Variants in TMEM130 observed in about 807,000 individuals in gnomAD.
TMEM130 encodes the protein transmembrane protein 130.
TMEM130 carries 37 observed loss-of-function variants against 42.9 expected under a neutral mutation model. That is an observed-to-expected ratio of 0.86 (90% confidence interval 0.66 to 1.13). The LOEUF (loss-of-function observed/expected upper bound fraction) is 1.13. Among genes scored for constraint, TMEM130 ranks in the 50% most tolerant of loss-of-function variants. The pLI, the probability that TMEM130 is intolerant of heterozygous loss-of-function variation, is 0.00. For synonymous variants in TMEM130, 259 were observed against 237.7 expected (o/e 1.09, Z -0.82); for missense variants, 545 against 562.6 (o/e 0.97, Z 0.32).
At position 98,848,103 on chromosome 7, in the gene TMEM130, C is replaced by A. The variant is rs573265805; in HGVS notation, c.1225G>T (p.Gly409Trp). 10 of 1,614,058 alleles carry A rather than the reference C, an allele frequency of 6.2e-6. No individual in the cohort carries two copies. Among genetic ancestry groups the A allele is most frequent in the Non-Finnish European group, 7.6e-6 (9 of 1,180,008 alleles). The change falls in exon 8 of 8, where the codon GGG (glycine) becomes TGG (tryptophan). Residue 409 changes from glycine to tryptophan, a missense_variant. Physicochemically the swap from Gly to Trp is radical, Grantham distance 184. Transcript: ENST00000339375. ...GACTTATAGAGGGGCGGGAGCAGCC[C>A]GTGGTTCTCACGAACAATTTCCAGG... Reference protein sequence around the residue: ...EYLEIVRENHGLLPPLYKSVK... With the variant: ...EYLEIVRENHWLLPPLYKSVK...
intron 2 of TMEM130, among the ~76,000 whole-genome samples, chr7:98,862,254 TAGAGACAGAGATAA>T (rs1562910837): frequency 1.3e-5 from 2 of 149,380 alleles, no homozygotes; most frequent in Non-Finnish European, 3.0e-5. Context: ...CAAAGAGACA[TAGAGACAGAGATAA>T]AGAGACAGAG....
chr7:98,851,328 G>T, intron 6 of TMEM130, 93 bp downstream of exon 6: 2 of 1,325,816 alleles, frequency 1.5e-6, no homozygotes, highest in Non-Finnish European at 2.2e-6. Context: ...CCTTGGTAAG[G>T]CTGGCTGGTA....
In TMEM130 at chr7:98,851,443, G is replaced by A. The variant is rs782573173; in HGVS notation, c.984C>T (p.His328=). 6.2e-7 allele frequency: 1 copy of A among 1,614,108 alleles called. No individual in the cohort carries two copies. The highest frequency in any genetic ancestry group is 1.3e-5 in the African/African-American group (1 of 75,016). The part of the protein sequence containing the change: ...ENIISKTHQY[H]KIQVWPSRIQ... ...TACTGGAGGGCCACACCTGGATCTT[G>A]TGGTACTGATGTGTCTTGCTGATGA... The change falls in exon 6 of 8, where the codon CAC becomes CAT. Residue 328 remains histidine (H), a synonymous_variant. Coordinates refer to ENST00000339375, the MANE Select transcript of TMEM130 (RefSeq NM_152913.3).
intron 6 of TMEM130, 95 bp from the exon 7 acceptor site, chr7:98,848,790 G>T: frequency 2.3e-6 from 2 of 874,150 alleles, no homozygotes; most frequent in South Asian, 1.4e-5. Context: ...GAATGGTCAA[G>T]CCCCACCAGT....
At chr7:98,849,497 G>A (rs907687965) in intron 6 of TMEM130, among the ~76,000 whole-genome samples, 1 of 152,132 alleles carries the variant, frequency 6.6e-6, no homozygotes, top group African/African-American at 2.4e-5. Context: ...TTGGAACTTG[G>A]TCCCCAGAGG....
At position 98,869,727 on chromosome 7, in the gene TMEM130, GC is replaced by G. The variant is rs1554401080; in HGVS notation, c.85+49del. 3.1e-6 allele frequency: 4 copies of G among 1,295,068 alleles called. No homozygotes were observed. Among genetic ancestry groups the G allele is most frequent in the Admixed American group, 3.8e-5 (1 of 26,152 alleles). 80.2% of individuals were successfully genotyped at this position (1,295,068 alleles called of 1,614,324 possible). On this transcript the variant is annotated intron_variant, in intron 1 of 7. Coordinates refer to ENST00000339375, the MANE Select transcript of TMEM130 (RefSeq NM_152913.3). The surrounding 1 kb of genome is among the most constrained non-coding windows in gnomAD (Gnocchi z 4.7). ...CACTCGCCCGCTGAGACGGTTCCAG[GC>G]CCCGGGCGGGCTGCGGCTGCAGGGA...
At chr7:98,859,924 C>G (rs1453807171) in intron 3 of TMEM130, among the ~76,000 whole-genome samples, 5 of 151,826 alleles carry the variant, frequency 3.3e-5, no homozygotes, top group Non-Finnish European at 5.9e-5. Flanking sequence ...CAAAAATTAG[C>G]CAGGTGTGGT....
chr7:98,849,979 G>A (rs1004522847), intron 6 of TMEM130, among the ~76,000 whole-genome samples: 5 of 152,188 alleles, frequency 3.3e-5, no homozygotes, highest in Middle Eastern at 3.4e-3. Flanking sequence ...CGTAAGCCAG[G>A]GGCTGGGCCG....
At chr7:98,851,173 ATT>A (rs1794493271) in intron 6 of TMEM130, among the ~76,000 whole-genome samples, 1 of 152,020 alleles carries the variant, frequency 6.6e-6, no homozygotes, top group Non-Finnish European at 1.5e-5. Flanking sequence ...TGGGTGCCAT[ATT>A]GGGGTTGACA....
intron 2 of TMEM130, among the ~76,000 whole-genome samples, chr7:98,862,435 A>G (rs1195524985): frequency 1.3e-5 from 2 of 151,206 alleles, no homozygotes; most frequent in Admixed American, 6.6e-5. Flanking sequence ...GAAAGGGGAG[A>G]AAGAGGGGAG....
intron 6 of TMEM130, 108 bp from the exon 7 acceptor site, chr7:98,848,803 T>C: frequency 1.3e-6 from 1 of 779,212 alleles, no homozygotes; most frequent in South Asian, 1.5e-5. Flanking sequence ...CCACCAGTGA[T>C]TTTTTTTACC....
In TMEM130 at chr7:98,869,139, C is replaced by A. The variant is rs1383220539; in HGVS notation, c.85+638G>T. Reference sequence around the variant, plus strand: ...AGAGAGGTGGGTGCTGGCTTTCTGGCGGTGGGGAAGTGGGGGCAGTAGACA... The same window carrying A: ...AGAGAGGTGGGTGCTGGCTTTCTGGAGGTGGGGAAGTGGGGGCAGTAGACA... On this transcript the variant is annotated intron_variant, in intron 1 of 7. Transcript: ENST00000339375. This position sits in a 1 kb window ranked among gnomAD's most constrained non-coding sequence, Gnocchi z 4.7. 24 of 1,245,482 alleles carry A rather than the reference C, an allele frequency of 1.9e-5. No homozygotes were observed. The highest frequency in any genetic ancestry group is 2.5e-5 in the Non-Finnish European group (24 of 966,914). The allele number at this position is 1,245,482 out of a possible 1,614,324, so 77.2% of individuals were successfully genotyped here.
At chr7:98,860,427 C>T (rs782379569) in intron 2 of TMEM130, 89 bp from the exon 3 acceptor site, 3 of 1,333,476 alleles carry the variant, frequency 2.2e-6, no homozygotes, top group Middle Eastern at 1.9e-4. Flanking sequence ...CTGTCAAAGC[C>T]ACCACTTCCC....
rs1309556300 is a variant in TMEM130, at chr7:98,869,575, A to T, written c.85+202T>A. 6.6e-6 allele frequency among the ~76,000 whole-genome samples: 1 copy of T among 152,010 alleles called. No homozygotes were observed. Among genetic ancestry groups the T allele is most frequent in the Non-Finnish European group, 1.5e-5 (1 of 67,978 alleles). ...CCAGGGGGTGCGGGGAGCCCCCTCC[A>T]GTGCCCAGGCGACTTTGGGGAACAA... On this transcript the variant is annotated intron_variant, in intron 1 of 7. Transcript: ENST00000339375. This position sits in a 1 kb window ranked among gnomAD's most constrained non-coding sequence, Gnocchi z 4.7.
intron 5 of TMEM130, among the ~76,000 whole-genome samples, chr7:98,853,208 C>A (rs1794551564): frequency 6.6e-6 from 1 of 152,170 alleles, no homozygotes; most frequent in Non-Finnish European, 1.5e-5. Context: ...GCCTCCAAAG[C>A]CCCGTGAAAA....
In TMEM130 at chr7:98,869,303, C is replaced by T. The variant is rs1794975023; in HGVS notation, c.85+474G>A. The T allele has an allele frequency of 1.6e-6, 2 of 1,284,046 alleles. No individual in the cohort carries two copies. The highest frequency in any genetic ancestry group is 2.0e-6 in the Non-Finnish European group (2 of 986,850). 79.5% of individuals were successfully genotyped at this position (1,284,046 alleles called of 1,614,324 possible). ...GCTCTAAATTCGCATCTCCCCAAAG[C>T]CAGCACCAACACGGTGGGAAACCCC... On this transcript the variant is annotated intron_variant, in intron 1 of 7. Coordinates refer to ENST00000339375, the MANE Select transcript of TMEM130 (RefSeq NM_152913.3). This position sits in a 1 kb window ranked among gnomAD's most constrained non-coding sequence, Gnocchi z 4.7.
At chr7:98,855,964 C>A (rs554802888) in intron 4 of TMEM130, 53 bp downstream of exon 4, 2 of 1,587,576 alleles carry the variant, frequency 1.3e-6, no homozygotes, top group African/African-American at 1.3e-5. Flanking sequence ...TCTGTGCGTA[C>A]GGTGACCCCA....
At chr7:98,848,747 C>A in intron 6 of TMEM130, 52 bp from the exon 7 acceptor site, 1 of 1,259,262 alleles carries the variant, frequency 7.9e-7, no homozygotes. Flanking sequence ...TACTACAGTG[C>A]TGGTTCTCAG....
At chr7:98,862,974 CGGGCCTAATCCCCCAGAACCT>C (rs1794819403) in intron 2 of TMEM130, 100 bp downstream of exon 2, 2 of 1,045,604 alleles carry the variant, frequency 1.9e-6, no homozygotes, top group African/African-American at 8.1e-5. Flanking sequence ...AAGGAACCTA[CGGGCCTAATCCCCCAGAACCT>C]ACGGGCCTAA....
Sources: gnomAD v4.1 joint callset for allele counts (sites outside exome capture counted in the v4.1 genomes callset) on GRCh38, gnomAD v4.1.1 for gene constraint, Gnocchi (gnomAD v3.1) non-coding constraint, MANE v1.5 for transcripts, NCBI Gene and HGNC (gene_info 2026-07-23, HGNC 2026-07-21) for gene names.